The following KDM7A variants were observed in gnomAD, a reference collection of about 807,000 sequenced individuals.
The protein encoded by KDM7A is lysine demethylase 7A, also known as lysine-specific demethylase 7A.
Under a neutral mutation model 114.8 loss-of-function variants are expected in KDM7A, and 28 were observed. The ratio of observed to expected loss-of-function variants is 0.24; its 90% CI spans 0.18 to 0.33. The LOEUF (loss-of-function observed/expected upper bound fraction) is 0.33. KDM7A is among the 10% of genes least tolerant of loss of function. KDM7A has a pLI of 1.00. For synonymous variants in KDM7A, 423 were observed against 397.8 expected (o/e 1.06, Z -0.75); for missense variants, 942 against 1,142.5 (o/e 0.82, Z 2.53).
intron 9 of KDM7A, among the ~76,000 whole-genome samples, chr7:140,115,250 A>C (rs1204222992): frequency 6.8e-6 from 1 of 146,970 alleles, no homozygotes; most frequent in Non-Finnish European, 1.5e-5. Context: ...CCTTCTGGGA[A>C]GTGAGGAGCC....
At chr7:140,155,813 T>G (rs1794452065) in intron 1 of KDM7A, among the ~76,000 whole-genome samples, 1 of 152,168 alleles carries the variant, frequency 6.6e-6, no homozygotes, top group South Asian at 2.1e-4. Context: ...TGCCAACTAT[T>G]TTTAGAAGGA....
intron 6 of KDM7A, among the ~76,000 whole-genome samples, chr7:140,125,804 C>T (rs1363529141): frequency 2.6e-5 from 4 of 152,254 alleles, no homozygotes; most frequent in East Asian, 3.9e-4. Context: ...GGAGTGATCA[C>T]GGCACACTGC....
In KDM7A at chr7:140,176,037, C is replaced by T. The variant is rs1166034009; in HGVS notation, c.194+707G>A. ...CCGCGACCCGGGTCAACCTGCCGCCCGCCGGGGGCCCGGCCCCAACTTCCC... is the reference window on the plus strand; with the variant it reads ...CCGCGACCCGGGTCAACCTGCCGCCTGCCGGGGGCCCGGCCCCAACTTCCC... On this transcript the variant is annotated intron_variant, in intron 1 of 19. Coordinates refer to ENST00000397560, the MANE Select transcript of KDM7A (RefSeq NM_030647.2). This position sits in a 1 kb window ranked among gnomAD's most constrained non-coding sequence, Gnocchi z 4.4. Among the ~76,000 whole-genome samples, 1 of 152,110 alleles carries T rather than the reference C, an allele frequency of 6.6e-6. No individual in the cohort carries two copies. The highest frequency in any genetic ancestry group is 2.4e-5 in the African/African-American group (1 of 41,450).
intron 7 of KDM7A, among the ~76,000 whole-genome samples, chr7:140,122,429 A>G (rs1268604146): frequency 6.6e-6 from 1 of 151,764 alleles, no homozygotes; most frequent in African/African-American, 2.4e-5. Context: ...AGGAAGATTT[A>G]AGGGAGGGGC....
chr7:140,108,446 C>T (rs1818378256), intron 11 of KDM7A, among the ~76,000 whole-genome samples: 1 of 152,054 alleles, frequency 6.6e-6, no homozygotes, highest in South Asian at 2.1e-4. Context: ...TGATGGTGAC[C>T]TAGAGATGGG....
At chr7:140,100,727 T>TATATATATATACAC in intron 12 of KDM7A, among the ~76,000 whole-genome samples, 1 of 60,372 alleles carries the variant, frequency 1.7e-5, no homozygotes, top group Non-Finnish European at 3.2e-5. Context: ...TATATATATA[T>TATATATATATACAC]ATATATATAT....
chr7:140,114,217 A>C (rs1818477259), intron 9 of KDM7A, among the ~76,000 whole-genome samples: 1 of 152,110 alleles, frequency 6.6e-6, no homozygotes, highest in African/African-American at 2.4e-5. Flanking sequence ...TCTGATGCCA[A>C]GCGGAAGCTG....
intron 2 of KDM7A, among the ~76,000 whole-genome samples, chr7:140,137,991 G>T (rs1202415551): frequency 6.6e-6 from 1 of 152,128 alleles, no homozygotes; most frequent in Non-Finnish European, 1.5e-5. Context: ...TTAATTTTGT[G>T]AATATAAAAA....
At chr7:140,116,595 G>A (rs1375210417) in intron 9 of KDM7A, among the ~76,000 whole-genome samples, 2 of 152,018 alleles carry the variant, frequency 1.3e-5, no homozygotes, top group Non-Finnish European at 2.9e-5. Context: ...TAATTTGGGT[G>A]GTGGTTACCT....
At chr7:140,101,905 A>T in intron 12 of KDM7A, 46 bp downstream of exon 12, 1 of 1,287,256 alleles carries the variant, frequency 7.8e-7, no homozygotes, top group Non-Finnish European at 1.1e-6. Flanking sequence ...AAAGACTTTA[A>T]GGAACAGCCA....
At chr7:140,175,750 G>A (rs1794696742) in intron 1 of KDM7A, among the ~76,000 whole-genome samples, 1 of 152,096 alleles carries the variant, frequency 6.6e-6, no homozygotes, top group Non-Finnish European at 1.5e-5. Flanking sequence ...GGCTGAATCA[G>A]AGGGCAGCGT....
intron 1 of KDM7A, among the ~76,000 whole-genome samples, chr7:140,142,978 G>T (rs994474005): frequency 1.3e-5 from 2 of 151,768 alleles, no homozygotes; most frequent in East Asian, 3.9e-4. Context: ...TCAGGAGATC[G>T]AGACCACCCT....
Position 140,086,292 on chromosome 7 carries a change from C to A in KDM7A, c.*4802G>T, listed in dbSNP as rs1424470874. On this transcript the variant is annotated 3_prime_UTR_variant, in exon 20 of 20. Transcript: ENST00000397560. ...TTTAACAACAAAATGTAATGTTATA[C>A]TTGTTAAGACAAAGTCTTAAGACAC... is the stretch of plus-strand genomic sequence containing the variant. 6.6e-6 allele frequency: 1 copy of A among 152,100 alleles called. No individual in the cohort carries two copies. Among genetic ancestry groups the A allele is most frequent in the Non-Finnish European group, 1.5e-5 (1 of 68,024 alleles). 9.4% of individuals were successfully genotyped at this position (152,100 alleles called of 1,614,324 possible). A position where few individuals can be genotyped will look rare whatever the true frequency, so the allele number is the denominator to read the frequency against.
intron 2 of KDM7A, among the ~76,000 whole-genome samples, chr7:140,137,150 T>C (rs926646673): frequency 6.6e-5 from 10 of 152,182 alleles, no homozygotes; most frequent in African/African-American, 2.4e-4. Flanking sequence ...GTTTTCCCTG[T>C]AAGTACACAG....
rs1794717978 is a variant in KDM7A at position 140,176,893 on chromosome 7, T to G, written c.45A>C (p.Gly15=). 1 of 1,191,168 alleles carries G rather than the reference T, an allele frequency of 8.4e-7. No individual in the cohort carries two copies. The highest frequency in any genetic ancestry group is 4.7e-5 in the Admixed American group (1 of 21,196). 73.8% of individuals were successfully genotyped at this position (1,191,168 alleles called of 1,614,324 possible). A position where few individuals can be genotyped will look rare whatever the true frequency, so the allele number is the denominator to read the frequency against. The change falls in exon 1 of 20, where the codon GGA becomes GGC. Residue 15 remains glycine (G), a synonymous_variant. Transcript: ENST00000397560. The surrounding 1 kb of genome is among the most constrained non-coding windows in gnomAD (Gnocchi z 4.4). ...AAAVAAGAAA[G]AAAAAVSVAA... The stretch of plus-strand genomic sequence containing the variant: ...CCACCGACACGGCTGCCGCGGCGGC[T>G]CCAGCTGCTGCTCCCGCGGCCACCG...
intron 10 of KDM7A, 131 bp downstream of exon 10, chr7:140,113,360 T>C (rs1321212752): frequency 6.2e-6 from 3 of 485,272 alleles, no homozygotes; most frequent in African/African-American, 5.9e-5. Flanking sequence ...AAAATGCAGG[T>C]TGTATATAAA....
rs113290943 is a variant in KDM7A, at chr7:140,093,644, A to C, written c.2457+412T>G. Among the ~76,000 whole-genome samples, 78 of 152,346 alleles carry C rather than the reference A, an allele frequency of 5.1e-4. 1 individual carries two copies. Among genetic ancestry groups the C allele is most frequent in the African/African-American group, 1.9e-3 (77 of 41,580 alleles). Reference sequence around the variant, plus strand: ...TAAGCAAAAGTTGTGTTTATCATGAATGTATTTTCTAGAAAGACAATCTGT... The same window carrying C: ...TAAGCAAAAGTTGTGTTTATCATGACTGTATTTTCTAGAAAGACAATCTGT... On this transcript the variant is annotated intron_variant, in intron 18 of 19. Coordinates refer to ENST00000397560, the MANE Select transcript of KDM7A (RefSeq NM_030647.2).
intron 1 of KDM7A, among the ~76,000 whole-genome samples, chr7:140,147,186 C>T (rs1794348299): frequency 6.6e-6 from 1 of 151,714 alleles, no homozygotes; most frequent in Admixed American, 6.6e-5. Flanking sequence ...TATGGCCTAA[C>T]ATTGTTTAAT....
At position 140,156,719 on chromosome 7, in the gene KDM7A, A is replaced by G. The variant is rs189604038; in HGVS notation, c.195-17529T>C. ...GCCCCAGCATTTCAGACCTGCTTCAAGTACAAGCTGCTGAGCTCCTGCAGC... is the reference window on the plus strand; with the variant it reads ...GCCCCAGCATTTCAGACCTGCTTCAGGTACAAGCTGCTGAGCTCCTGCAGC... On this transcript the variant is annotated intron_variant, in intron 1 of 19. Coordinates refer to ENST00000397560, the MANE Select transcript of KDM7A (RefSeq NM_030647.2). Among the ~76,000 whole-genome samples the G allele has an allele frequency of 1.9e-3, 284 of 152,362 alleles. 1 individual carries two copies. The highest frequency in any genetic ancestry group is 6.8e-3 in the African/African-American group (281 of 41,592).
Sources: allele counts gnomAD v4.1 joint callset (sites outside exome capture counted in the v4.1 genomes callset), GRCh38; gene constraint gnomAD v4.1.1; non-coding constraint Gnocchi (gnomAD v3.1); transcripts MANE v1.5; gene names NCBI Gene and HGNC (gene_info 2026-07-23, HGNC 2026-07-21).